The following ZNF410 variants were observed in gnomAD, a reference collection of about 807,000 sequenced individuals.
ZNF410 encodes the protein zinc finger protein 410, also known as another partner for ARF 1.
A neutral mutation model predicts 54.8 loss-of-function variants in ZNF410; 18 were observed. The ratio of observed to expected loss-of-function variants is 0.33; its 90% CI spans 0.23 to 0.49. The LOEUF is 0.49. ZNF410 is among the 20% of genes least tolerant of loss of function. ZNF410 has a pLI of 0.99. For missense variants in ZNF410, 405 were observed against 569.6 expected, an observed-to-expected ratio of 0.71 and a Z score of 2.94; for synonymous variants, 191 against 207.3, an observed-to-expected ratio of 0.92 and a Z score of 0.68.
rs776517544 is a variant in ZNF410 at position 73,892,020 on chromosome 14, A to C, written c.-149-7A>C. Reference sequence around the variant, plus strand: ...TGCCCCCTCTCTCTTTTTTACCCCTATTCTAGGTTACATTGATTACCCACC... The same window carrying C: ...TGCCCCCTCTCTCTTTTTTACCCCTCTTCTAGGTTACATTGATTACCCACC... On this transcript the variant is annotated splice_region_variant and splice_polypyrimidine_tract_variant and intron_variant, in intron 1 of 11. Transcript: ENST00000555044. 1.2e-5 allele frequency: 10 copies of C among 825,718 alleles called. No homozygotes were observed. The Admixed American group carries it at 1.9e-4, about 16-fold the overall frequency. 51.1% of individuals were successfully genotyped at this position (825,718 alleles called of 1,614,324 possible).
chr14:73,898,064 C>G lies in ZNF410; in HGVS notation c.389-7C>G. The G allele has an allele frequency of 6.3e-7, 1 of 1,592,046 alleles. No individual in the cohort carries two copies. Among genetic ancestry groups the G allele is most frequent in the Non-Finnish European group, 8.6e-7 (1 of 1,167,806 alleles). On this transcript the variant is annotated splice_polypyrimidine_tract_variant and splice_region_variant and intron_variant, in intron 4 of 11. Coordinates refer to ENST00000555044, the MANE Select transcript of ZNF410 (RefSeq NM_021188.3). ...TTCTAACTTTTCATATATTTTGTTT[C>G]TTCCAGGTCTGGGCTCTTCAGCTGA...
intron 8 of ZNF410, among the ~76,000 whole-genome samples, chr14:73,909,927 GGAGAA>G (rs2055551622): frequency 6.6e-6 from 1 of 152,172 alleles, no homozygotes; most frequent in African/African-American, 2.4e-5. Flanking sequence ...TTGCAGATGT[GGAGAA>G]GAGAAAAGAG....
At chr14:73,907,679 G>A (rs2055511632) in intron 7 of ZNF410, among the ~76,000 whole-genome samples, 2 of 152,048 alleles carry the variant, frequency 1.3e-5, no homozygotes, top group African/African-American at 4.8e-5. Flanking sequence ...ATCACCTGAG[G>A]TCAGGAGTTC....
chr14:73,892,050 A>T lies in ZNF410; in HGVS notation c.-126A>T. 9.1e-7 allele frequency: 1 copy of T among 1,093,758 alleles called. No individual in the cohort carries two copies. The highest frequency in any genetic ancestry group is 1.4e-6 in the Non-Finnish European group (1 of 707,374). The allele number at this position is 1,093,758 out of a possible 1,614,324, so 67.8% of individuals were successfully genotyped here. ...AGGTTACATTGATTACCCACCTAGT[A>T]CAACATCTTACGGGAAGAGCATAGT... On this transcript the variant is annotated 5_prime_UTR_variant, in exon 2 of 12. Transcript: ENST00000555044.
At chr14:73,912,342 G>T (rs1229813241) in intron 8 of ZNF410, among the ~76,000 whole-genome samples, 1 of 151,722 alleles carries the variant, frequency 6.6e-6, no homozygotes, top group Admixed American at 6.6e-5. Flanking sequence ...ACTAATTTTT[G>T]TATTTTTACT....
At chr14:73,890,061 C>T (rs2055204428) in intron 1 of ZNF410, among the ~76,000 whole-genome samples, 1 of 152,088 alleles carries the variant, frequency 6.6e-6, no homozygotes, top group South Asian at 2.1e-4. Flanking sequence ...TCCCAAAATG[C>T]TGGGATTACA....
At chr14:73,921,956 A>T in intron 9 of ZNF410, 110 bp from the exon 10 acceptor site, 1 of 1,330,746 alleles carries the variant, frequency 7.5e-7, no homozygotes, top group Non-Finnish European at 1.0e-6. Flanking sequence ...CATCCCATCT[A>T]TAGGTTAACT....
intron 5 of ZNF410, among the ~76,000 whole-genome samples, chr14:73,902,592 C>T (rs1392089467): frequency 6.6e-6 from 1 of 152,152 alleles, no homozygotes; most frequent in South Asian, 2.1e-4. Flanking sequence ...ATAGGCACAA[C>T]ATATATATTC....
intron 8 of ZNF410, chr14:73,916,070 C>A (rs1157546728): frequency 6.6e-6 from 1 of 150,502 alleles, no homozygotes; most frequent in East Asian, 2.0e-4. Flanking sequence ...GGAGACCTGT[C>A]CTCTACAAAA....
intron 5 of ZNF410, chr14:73,902,070 G>T (rs1018316740): frequency 1.2e-4 from 17 of 139,542 alleles, no homozygotes; most frequent in Middle Eastern, 3.7e-3. Flanking sequence ...TATATGTGTA[G>T]TTTTTTTTTT....
intron 1 of ZNF410, among the ~76,000 whole-genome samples, chr14:73,889,353 T>C (rs2055188280): frequency 6.6e-6 from 1 of 151,612 alleles, no homozygotes; most frequent in Non-Finnish European, 1.5e-5. Flanking sequence ...GAAAAATTTT[T>C]TTTTGTAGAA....
At chr14:73,919,992 C>A (rs1472426302) in intron 8 of ZNF410, among the ~76,000 whole-genome samples, 1 of 145,250 alleles carries the variant, frequency 6.9e-6, no homozygotes, top group Non-Finnish European at 1.5e-5. Context: ...AGTATTTAGC[C>A]ATTTAAAATA....
In ZNF410 at chr14:73,931,502, G is replaced by A; in HGVS notation, c.1399-1G>A. ...CTAGATTTGCTTTCAATCTTTTACA[G>A]TTACTAAACCAAGGAGATTTAACTG... is the stretch of plus-strand genomic sequence containing the variant. On this transcript the variant is annotated splice_acceptor_variant, in intron 11 of 11. Coordinates refer to ENST00000555044, the MANE Select transcript of ZNF410 (RefSeq NM_021188.3). LOFTEE classifies it high-confidence loss of function. The A allele has an allele frequency of 1.2e-6, 2 of 1,606,410 alleles. No homozygotes were observed. The highest frequency in any genetic ancestry group is 1.7e-6 in the Non-Finnish European group (2 of 1,178,102).
chr14:73,926,365 C>G (rs1408318969), intron 11 of ZNF410, among the ~76,000 whole-genome samples: 3 of 135,804 alleles, frequency 2.2e-5, no homozygotes, highest in Non-Finnish European at 4.8e-5. Context: ...TCTCTTAATT[C>G]TCTTTATAAT....
rs570249892 is a variant in ZNF410, at chr14:73,890,742, G to A, written c.-149-1285G>A. ...AAGTTATAGGGAGTGGCTGGGCGCA[G>A]TGGCTCACACCTGTAATCTCAGCAC... is the stretch of plus-strand genomic sequence containing the variant. On this transcript the variant is annotated intron_variant, in intron 1 of 11. Transcript: ENST00000555044. Among the ~76,000 whole-genome samples, 6 of 152,240 alleles carry A rather than the reference G, an allele frequency of 3.9e-5. No homozygotes were observed. The South Asian group carries it at 1.2e-3, about 32-fold the overall frequency.
At position 73,931,839 on chromosome 14, in the gene ZNF410, T is replaced by C; in HGVS notation, c.*298T>C. 1 of 443,806 alleles carries C rather than the reference T, an allele frequency of 2.3e-6. No individual in the cohort carries two copies. Among genetic ancestry groups the C allele is most frequent in the Non-Finnish European group, 4.3e-6 (1 of 230,866 alleles). 27.5% of individuals were successfully genotyped at this position (443,806 alleles called of 1,614,324 possible). On this transcript the variant is annotated 3_prime_UTR_variant, in exon 12 of 12. Transcript: ENST00000555044. Reference sequence around the variant, plus strand: ...AAAGTGAATTTGATTATGTGTTGGCTGAAGTTCTTCATTCTGACTGTTGAG... The same window carrying C: ...AAAGTGAATTTGATTATGTGTTGGCCGAAGTTCTTCATTCTGACTGTTGAG...
At chr14:73,925,139 CTTTTT>C (rs2055810631) in intron 11 of ZNF410, among the ~76,000 whole-genome samples, 1 of 92,348 alleles carries the variant, frequency 1.1e-5, no homozygotes, top group African/African-American at 3.1e-5. Flanking sequence ...CAGGACTTTT[CTTTTT>C]ATTGTTGTGA....
intron 11 of ZNF410, among the ~76,000 whole-genome samples, chr14:73,930,335 G>T (rs956786447): frequency 4.6e-5 from 7 of 151,998 alleles, no homozygotes; most frequent in African/African-American, 1.7e-4. Context: ...TTAAAAAAAA[G>T]TTTTTTTGGT....
intron 1 of ZNF410, among the ~76,000 whole-genome samples, chr14:73,891,207 C>T (rs2055225771): frequency 6.6e-6 from 1 of 151,792 alleles, no homozygotes; most frequent in African/African-American, 2.4e-5. Context: ...CACGGTATAG[C>T]TACGGTCATA....
Sources: allele counts gnomAD v4.1 joint callset (sites outside exome capture counted in the v4.1 genomes callset), GRCh38; gene constraint gnomAD v4.1.1; transcripts MANE v1.5; gene names NCBI Gene and HGNC (gene_info 2026-07-23, HGNC 2026-07-21).